PDE1A: variants seen among roughly 807,000 people sequenced by gnomAD.
PDE1A encodes dual specificity calcium/calmodulin-dependent 3',5'-cyclic nucleotide phosphodiesterase 1A.
Under a neutral mutation model 61.7 loss-of-function variants are expected in PDE1A, and 35 were observed. That is an observed-to-expected ratio of 0.57 (90% CI 0.43 to 0.75). The LOEUF is 0.75. Ranked by LOEUF, PDE1A falls within the 30% of genes least tolerant of loss-of-function variation. The pLI is 0.00. For synonymous variants in PDE1A, 232 were observed against 213.2 expected, an observed-to-expected ratio of 1.09 and a Z score of -0.77; for missense variants, 597 against 630.6, an observed-to-expected ratio of 0.95 and a Z score of 0.57.
intron 1 of PDE1A, among the ~76,000 whole-genome samples, chr2:182,304,094 T>A (rs551444770): frequency 2.6e-5 from 4 of 152,182 alleles, no homozygotes; most frequent in South Asian, 2.1e-4. Context: ...AGAGACACGG[T>A]TTCACCACGT....
At chr2:182,272,846 G>T (rs1435009296) in intron 1 of PDE1A, among the ~76,000 whole-genome samples, 2 of 152,096 alleles carry the variant, frequency 1.3e-5, no homozygotes, top group African/African-American at 4.8e-5. Flanking sequence ...GAAAGAAGTT[G>T]TATGAGATAG....
chr2:182,563,636 G>A, the PDE1A span, among the ~76,000 whole-genome samples: 2 of 152,130 alleles, frequency 1.3e-5, no homozygotes, highest in Admixed American at 1.3e-4. Flanking sequence ...TCGTTGATCT[G>A]TCTAATGTTG....
In PDE1A at chr2:182,181,468, A is replaced by G. The variant is rs185481313; in HGVS notation, c.1516+4424T>C. On this transcript the variant is annotated intron_variant, in intron 13 of 13. Coordinates refer to ENST00000351439, the Ensembl canonical transcript of PDE1A. ...GTCTGCTCCTTCCTCTGGAAGCTTC[A>G]GCTCTCCTGTATGAGGTGTCTATTG... is the stretch of plus-strand genomic sequence containing the variant. Among the ~76,000 whole-genome samples the G allele has an allele frequency of 1.1e-3, 163 of 152,228 alleles. 1 individual carries two copies. The South Asian group carries it at 0.012, about 12-fold the overall frequency.
chr2:182,280,138 G>C (rs562209832), intron 1 of PDE1A, among the ~76,000 whole-genome samples: 1 of 149,686 alleles, frequency 6.7e-6, no homozygotes, highest in Non-Finnish European at 1.5e-5. Flanking sequence ...CATGCCTTTG[G>C]GTTTTTTTTA....
the PDE1A span, among the ~76,000 whole-genome samples, chr2:182,575,255 C>T: frequency 6.6e-6 from 1 of 152,024 alleles, no homozygotes; most frequent in African/African-American, 2.4e-5. Flanking sequence ...TACTAAAAGA[C>T]ACCCTAATTG....
chr2:182,235,410 G>A (rs1689933198), intron 3 of PDE1A, among the ~76,000 whole-genome samples: 1 of 152,192 alleles, frequency 6.6e-6, no homozygotes, highest in Admixed American at 6.5e-5. Context: ...TCAAAGTACT[G>A]GAATTACAGG....
chr2:182,515,893 C>T (rs555175547), intron 2 of PDE1A, among the ~76,000 whole-genome samples: 2 of 151,664 alleles, frequency 1.3e-5, no homozygotes, highest in South Asian at 4.2e-4. Flanking sequence ...GTATCTGAAT[C>T]CAATGTGCCA....
At chr2:182,378,034 G>C (rs1700514106) in intron 1 of PDE1A, among the ~76,000 whole-genome samples, 1 of 152,064 alleles carries the variant, frequency 6.6e-6, no homozygotes, top group African/African-American at 2.4e-5. Context: ...TTTTAGTAGA[G>C]ACGGGGTTTC....
chr2:182,506,092 A>T (rs537398204), intron 2 of PDE1A, among the ~76,000 whole-genome samples: 1 of 152,292 alleles, frequency 6.6e-6, no homozygotes, highest in East Asian at 1.9e-4. Context: ...AATATCAGAA[A>T]ATGATGTTAT....
chr2:182,650,370 G>A, the PDE1A span, among the ~76,000 whole-genome samples: 2 of 152,190 alleles, frequency 1.3e-5, no homozygotes, highest in African/African-American at 4.8e-5. Flanking sequence ...AGAGCAGAGA[G>A]CACAGATACA....
chr2:182,626,804 T>TATATATACATATATATAC, the PDE1A span, among the ~76,000 whole-genome samples: 1 of 15,972 alleles, frequency 6.3e-5, no homozygotes, highest in Non-Finnish European at 1.4e-4. Context: ...TATATATACA[T>TATATATACATATATATAC]ATATATATAC....
At chr2:182,591,852 C>G in the PDE1A span, among the ~76,000 whole-genome samples, 2 of 152,238 alleles carry the variant, frequency 1.3e-5, no homozygotes, top group African/African-American at 2.4e-5. Flanking sequence ...CCAATTCATA[C>G]ATCTTGAGCA....
chr2:182,609,784 C>G, the PDE1A span, among the ~76,000 whole-genome samples: 10 of 152,212 alleles, frequency 6.6e-5, no homozygotes, highest in African/African-American at 2.4e-4. Flanking sequence ...TGGGTCCCAC[C>G]CCATTCCTAG....
intron 2 of PDE1A, among the ~76,000 whole-genome samples, chr2:182,440,207 G>T (rs938599711): frequency 2.0e-5 from 3 of 151,962 alleles, no homozygotes; most frequent in African/African-American, 7.2e-5. Context: ...CAATCATCTA[G>T]GGTCACTAGT....
At chr2:182,514,788 C>G (rs750235583) in intron 2 of PDE1A, among the ~76,000 whole-genome samples, 72 of 152,078 alleles carry the variant, frequency 4.7e-4, no homozygotes, top group Admixed American at 1.8e-3. Flanking sequence ...ACTCCAAAAG[C>G]AATTGCAACA....
the PDE1A span, among the ~76,000 whole-genome samples, chr2:182,593,847 C>G: frequency 6.6e-6 from 1 of 152,170 alleles, no homozygotes; most frequent in Non-Finnish European, 1.5e-5. Context: ...GCAGACAAGT[C>G]TTTATGCAGA....
At chr2:182,671,755 T>C in the PDE1A span, among the ~76,000 whole-genome samples, 1 of 150,550 alleles carries the variant, frequency 6.6e-6, no homozygotes, top group East Asian at 2.0e-4. Flanking sequence ...AAGTAGCTGG[T>C]ACTACAGGCA....
At chr2:182,631,964 C>T in the PDE1A span, among the ~76,000 whole-genome samples, 1 of 152,194 alleles carries the variant, frequency 6.6e-6, no homozygotes, top group African/African-American at 2.4e-5. Flanking sequence ...TGAGATATAG[C>T]TGAATCAGAT....
At chr2:182,511,417 T>G (rs960657121) in intron 2 of PDE1A, among the ~76,000 whole-genome samples, 5 of 151,430 alleles carry the variant, frequency 3.3e-5, no homozygotes, top group Admixed American at 2.6e-4. Flanking sequence ...CCAGGGTGAG[T>G]AAAATAGGTG....
Sources: allele counts gnomAD v4.1 joint callset (sites outside exome capture counted in the v4.1 genomes callset), GRCh38; gene constraint gnomAD v4.1.1; transcripts MANE v1.5; gene names NCBI Gene and HGNC (gene_info 2026-07-23, HGNC 2026-07-21).